The following STK3 variants were observed in gnomAD, a reference collection of about 807,000 sequenced individuals.
The protein encoded by STK3 is serine/threonine-protein kinase 3.
STK3 carries 41 observed loss-of-function variants against 58.0 expected under a neutral mutation model. The ratio of observed to expected loss-of-function variants is 0.71; its 90% confidence interval spans 0.55 to 0.92. The LOEUF is 0.92. STK3 is among the 40% of genes least tolerant of loss of function. The pLI is 0.00. For synonymous variants in STK3, 170 were observed against 191.0 expected (o/e 0.89, Z 0.91); for missense variants, 479 against 602.7 (o/e 0.79, Z 2.15).
chr8:98,847,717 GT>G (rs1035665212), intron 3 of STK3, among the ~76,000 whole-genome samples: 10 of 151,204 alleles, frequency 6.6e-5, no homozygotes, highest in East Asian at 5.8e-4. Flanking sequence ...TAAAAAAAAG[GT>G]TTTTTTTTGT....
chr8:98,619,762 T>G (rs1450390222), intron 6 of STK3, among the ~76,000 whole-genome samples: 2 of 147,064 alleles, frequency 1.4e-5, no homozygotes, highest in African/African-American at 2.5e-5. Flanking sequence ...AAAACCACAG[T>G]GAGATACCAT....
At chr8:98,684,225 G>T (rs990128067) in intron 6 of STK3, among the ~76,000 whole-genome samples, 2 of 152,086 alleles carry the variant, frequency 1.3e-5, no homozygotes, top group Non-Finnish European at 2.9e-5. Context: ...TCCAGTAGAG[G>T]CTGCAGAAGA....
chr8:98,393,506 G>A (rs1168017076), intron 3 of STK3: 3 of 152,028 alleles, frequency 2.0e-5, no homozygotes, highest in Admixed American at 6.6e-5. Flanking sequence ...AGTGTAATAA[G>A]GCCAATAGAA....
intron 3 of STK3, among the ~76,000 whole-genome samples, chr8:98,830,927 G>A (rs1835507792): frequency 7.4e-6 from 1 of 135,328 alleles, no homozygotes; most frequent in African/African-American, 2.8e-5. Flanking sequence ...CCGAGATAGT[G>A]CCACTGCACT....
intron 3 of STK3, among the ~76,000 whole-genome samples, chr8:98,869,140 G>T (rs145473310): frequency 6.6e-6 from 1 of 152,048 alleles, no homozygotes; most frequent in Non-Finnish European, 1.5e-5. Context: ...AGAATCTCAC[G>T]CTGGGTCTGG....
intron 1 of STK3, among the ~76,000 whole-genome samples, chr8:98,790,355 G>A (rs887063607): frequency 6.6e-6 from 1 of 152,196 alleles, no homozygotes; most frequent in African/African-American, 2.4e-5. Context: ...TACCAGGGAT[G>A]CAGTGATGGT....
intron 6 of STK3, among the ~76,000 whole-genome samples, chr8:98,619,052 T>G (rs1335220345): frequency 9.3e-4 from 138 of 148,896 alleles, no homozygotes; most frequent in South Asian, 1.9e-3. Context: ...TCACACTACC[T>G]GACTTCAAAC....
intron 8 of STK3, among the ~76,000 whole-genome samples, chr8:98,572,637 T>C (rs1813055298): frequency 6.6e-6 from 1 of 152,206 alleles, no homozygotes; most frequent in Non-Finnish European, 1.5e-5. Context: ...ATGTAGGATA[T>C]ACATTTACTG....
intron 10 of STK3, among the ~76,000 whole-genome samples, chr8:98,493,655 A>AT (rs1183536749): frequency 6.6e-6 from 1 of 152,096 alleles, no homozygotes; most frequent in African/African-American, 2.4e-5. Flanking sequence ...CTCTATACTG[A>AT]TGACTTGAAC....
At chr8:98,783,709 T>C (rs1396619961) in intron 1 of STK3, among the ~76,000 whole-genome samples, 5 of 152,248 alleles carry the variant, frequency 3.3e-5, no homozygotes, top group Non-Finnish European at 4.4e-5. Flanking sequence ...CTTTCAAAAT[T>C]GGAATCAATC....
chr8:98,524,208 A>G (rs964204534), intron 10 of STK3, among the ~76,000 whole-genome samples: 3 of 152,244 alleles, frequency 2.0e-5, no homozygotes, highest in African/African-American at 7.2e-5. Context: ...CCATTGGTCT[A>G]CATGTCTGTC....
At chr8:98,616,720 A>G in intron 6 of STK3, among the ~76,000 whole-genome samples, 1 of 151,830 alleles carries the variant, frequency 6.6e-6, no homozygotes, top group Non-Finnish European at 1.5e-5. Flanking sequence ...AAAGAAGGCC[A>G]TTACATAATG....
chr8:98,496,421 G>C (rs111891339), intron 10 of STK3, among the ~76,000 whole-genome samples: 1 of 151,938 alleles, frequency 6.6e-6, no homozygotes, highest in Non-Finnish European at 1.5e-5. Context: ...AATCAAAACC[G>C]TTAAAATATT....
At chr8:98,862,605 A>G (rs186834244) in intron 3 of STK3, among the ~76,000 whole-genome samples, 178 of 152,364 alleles carry the variant, frequency 1.2e-3, no homozygotes, top group African/African-American at 4.1e-3. Context: ...CAGACCGAAC[A>G]GGACTTTTTA....
chr8:98,402,717 G>A (rs1272870531), intron 3 of STK3, among the ~76,000 whole-genome samples: 2 of 152,188 alleles, frequency 1.3e-5, no homozygotes, highest in Admixed American at 6.5e-5. Flanking sequence ...AGGAGGACAT[G>A]CCTTGGGAAC....
chr8:98,818,461 C>A (rs192665288), intron 1 of STK3, among the ~76,000 whole-genome samples: 23 of 151,982 alleles, frequency 1.5e-4, no homozygotes, highest in Non-Finnish European at 1.2e-4. Flanking sequence ...CAGAGCAACA[C>A]AACAGAGAAC....
chr8:98,888,001 G>A (rs1299437358), intron 1 of STK3, among the ~76,000 whole-genome samples: 2 of 152,144 alleles, frequency 1.3e-5, no homozygotes, highest in Non-Finnish European at 1.5e-5. Context: ...GGCTGAATAT[G>A]GGGCTAGTGG....
At chr8:98,882,256 A>T (rs1837821728), downstream of STK3, 1 of 151,924 alleles carries the variant, frequency 6.6e-6, no homozygotes, top group Admixed American at 6.6e-5. Context: ...AAATTTTTTT[A>T]TTTTTAATTT....
chr8:98,497,388 C>T (rs1337571298), intron 10 of STK3, among the ~76,000 whole-genome samples: 3 of 151,522 alleles, frequency 2.0e-5, no homozygotes, highest in Non-Finnish European at 4.4e-5. Context: ...TGGAGCTACA[C>T]AATAATTTTC....
Sources: gnomAD v4.1 joint callset for allele counts (sites outside exome capture counted in the v4.1 genomes callset) on GRCh38, gnomAD v4.1.1 for gene constraint, MANE v1.5 for transcripts, NCBI Gene and HGNC (gene_info 2026-07-23, HGNC 2026-07-21) for gene names.